CFAP46: variants seen among roughly 807,000 people sequenced by gnomAD.
CFAP46 encodes the protein cilia and flagella associated protein 46.
Under a neutral mutation model 325.7 loss-of-function variants are expected in CFAP46, and 245 were observed. The ratio of observed to expected loss-of-function variants is 0.75; its 90% CI spans 0.68 to 0.84. The LOEUF (loss-of-function observed/expected upper bound fraction) is 0.84. Ranked by LOEUF, CFAP46 falls within the 40% of genes least tolerant of loss-of-function variation. The pLI is 0.00. For synonymous variants in CFAP46, 1,523 were observed against 1,495.9 expected, an observed-to-expected ratio of 1.02 and a Z score of -0.42; for missense variants, 3,346 against 3,543.0, an observed-to-expected ratio of 0.94 and a Z score of 1.41.
In CFAP46 at chr10:132,868,479, C is replaced by G. The variant is rs114528240; in HGVS notation, c.4610+795G>C. ...CAGATAACTCACGGTGCACAGATAACTCACGGTACTGAAAAATGCAAAGTT... is the reference window on the plus strand; with the variant it reads ...CAGATAACTCACGGTGCACAGATAAGTCACGGTACTGAAAAATGCAAAGTT... On this transcript the variant is annotated intron_variant, in intron 33 of 57. Transcript: ENST00000368586. 1.8e-3 allele frequency among the ~76,000 whole-genome samples: 280 copies of G among 151,788 alleles called. 1 individual carries two copies. The highest frequency in any genetic ancestry group is 6.5e-3 in the African/African-American group (268 of 41,528).
rs1848808775 is a variant in CFAP46, at chr10:132,866,065, G to A, written c.4850C>T (p.Pro1617Leu). 1 of 1,544,730 alleles carries A rather than the reference G, an allele frequency of 6.5e-7. No individual in the cohort carries two copies. Among genetic ancestry groups the A allele is most frequent in the African/African-American group, 1.4e-5 (1 of 72,838 alleles). ...EVLLEMNLYQ[P>L]ARLLLSEAYL... is the part of the protein sequence containing the mutation. The stretch of plus-strand genomic sequence containing the variant: ...AGCCTCCGACAGGAGCAGCCGTGCA[G>A]GCTGGTACAGGTTCATCTCCAGCAG... Residue 1617 changes from proline to leucine, a missense_variant, in exon 35 of 58, where the codon CCT becomes CTT. Physicochemically the swap from Pro to Leu is moderately conservative, Grantham distance 98. Transcript: ENST00000368586.
At chr10:132,902,311 A>C (rs72861460) in intron 22 of CFAP46, among the ~76,000 whole-genome samples, 210 of 152,104 alleles carry the variant, frequency 1.4e-3, no homozygotes, top group African/African-American at 4.5e-3. Flanking sequence ...ACAGACGGGA[A>C]GCTCTGTTCA....
In CFAP46 at chr10:132,916,657, T is replaced by C; in HGVS notation, c.2012A>G (p.Glu671Gly). Residue 671 changes from glutamate to glycine, a missense_variant, in exon 17 of 58, where the codon GAA (glutamate) becomes GGA (glycine). Transcript: ENST00000368586. ...GGCCCGGTCATTCAGCTCTACACCT[T>C]CTGACCGCAGCAAATGAACCGTGGC... ...AEATVHLLRS[E>G]GVELNDRAIP... is the part of the protein sequence containing the mutation. The C allele has an allele frequency of 6.7e-7, 1 of 1,498,088 alleles. No individual in the cohort carries two copies. The highest frequency in any genetic ancestry group is 8.9e-7 in the Non-Finnish European group (1 of 1,119,588). The allele number at this position is 1,498,088 out of a possible 1,614,324, so 92.8% of individuals were successfully genotyped here.
Position 132,913,050 on chromosome 10 carries a change from T to G in CFAP46, c.2329A>C (p.Ser777Arg). ...CGCAGCACAGCCCACACGCACCCAC[T>G]GTGGCCTGTGGCCTTAACGATGCTC... ...LLSIVKATGHSGDPVMLVTLC... is the reference protein window; with the variant it reads ...LLSIVKATGHRGDPVMLVTLC... Residue 777 changes from serine to arginine, a missense_variant, in exon 18 of 58, where the codon AGT becomes CGT. Coordinates refer to ENST00000368586, the MANE Select transcript of CFAP46 (RefSeq NM_001200049.3). The G allele has an allele frequency of 6.5e-7, 1 of 1,549,772 alleles. No homozygotes were observed. The highest frequency in any genetic ancestry group is 8.7e-7 in the Non-Finnish European group (1 of 1,146,856).
intron 50 of CFAP46, among the ~76,000 whole-genome samples, chr10:132,829,896 T>A (rs914346004): frequency 2.0e-5 from 3 of 152,242 alleles, no homozygotes; most frequent in African/African-American, 7.2e-5. Flanking sequence ...ATAATATAAA[T>A]CCTTGTAACA....
In CFAP46 at chr10:132,878,049, G is replaced by A. The variant is rs1272027007; in HGVS notation, c.4044C>T (p.Asn1348=). The change falls in exon 30 of 58, where the codon AAC becomes AAT. Residue 1348 remains asparagine (N), a synonymous_variant. Transcript: ENST00000368586. ...LMTAGKSVLE[N]RPLAATSSHL... ...GTGAGCTGGTTGCTGCCAGGGGTCT[G>A]TTTTCCAGAACTGATTTTCCTGCTG... 1.9e-6 allele frequency: 3 copies of A among 1,548,446 alleles called. No homozygotes were observed. The highest frequency in any genetic ancestry group is 4.9e-5 in the East Asian group (2 of 40,912).
chr10:132,912,833 C>G lies in CFAP46; in HGVS notation c.2334-13G>C, dbSNP rs985294736. 1.1e-5 allele frequency: 17 copies of G among 1,546,488 alleles called. No individual in the cohort carries two copies. Among genetic ancestry groups the G allele is most frequent in the Admixed American group, 3.9e-5 (2 of 50,968 alleles). ...CATCACGGGGTCCCTGGGAGACATG[C>G]TTGTCAGAGGGAACCTTGGCCCCCG... On this transcript the variant is annotated splice_polypyrimidine_tract_variant and intron_variant, in intron 18 of 57. Transcript: ENST00000368586.
In CFAP46 at chr10:132,847,120, C is replaced by A; in HGVS notation, c.6088-9G>T. ...GCCAGAACCATCCTCCTCTGTGGGG[C>A]ACAAGGCTCAGGCTCAGGCCAGGCT... On this transcript the variant is annotated splice_polypyrimidine_tract_variant and intron_variant, in intron 42 of 57. Coordinates refer to ENST00000368586, the MANE Select transcript of CFAP46 (RefSeq NM_001200049.3). This position sits in a 1 kb window ranked among gnomAD's most constrained non-coding sequence, Gnocchi z 5.2. The A allele has an allele frequency of 3.1e-6, 5 of 1,608,620 alleles. No homozygotes were observed. In the Middle Eastern group the frequency reaches 5.0e-4, roughly 160 times the overall value.
chr10:132,812,431 G>A (rs538585135), intron 55 of CFAP46, among the ~76,000 whole-genome samples: 1 of 152,302 alleles, frequency 6.6e-6, no homozygotes. Context: ...GCCGTGACCA[G>A]CGCGGTCCTG....
At chr10:132,818,672 G>A (rs776633819) in intron 50 of CFAP46, among the ~76,000 whole-genome samples, 1 of 152,040 alleles carries the variant, frequency 6.6e-6, no homozygotes, top group Non-Finnish European at 1.5e-5. Context: ...GACCAACATA[G>A]CCAAACCCCG....
At chr10:132,913,858 C>T (rs887327676) in intron 17 of CFAP46, among the ~76,000 whole-genome samples, 6 of 151,654 alleles carry the variant, frequency 4.0e-5, no homozygotes, top group Non-Finnish European at 7.4e-5. Context: ...CCGGCCTGCG[C>T]GCTCCACCTG....
rs919272752 is a variant in CFAP46 at position 132,817,280 on chromosome 10, C to T, written c.7118-2366G>A. On this transcript the variant is annotated intron_variant, in intron 50 of 57. Coordinates refer to ENST00000368586, the MANE Select transcript of CFAP46 (RefSeq NM_001200049.3). This position sits in a 1 kb window ranked among gnomAD's most constrained non-coding sequence, Gnocchi z 4.4. ...TTTCCTCTGAGAGTCAGACACCGGC[C>T]CTCCGGGTTACTCTTAAATATTTAC... Among the ~76,000 whole-genome samples the T allele has an allele frequency of 6.6e-6, 1 of 152,190 alleles. No individual in the cohort carries two copies. The highest frequency in any genetic ancestry group is 1.5e-5 in the Non-Finnish European group (1 of 68,052).
At chr10:132,872,299 G>A (rs1848904301) in intron 32 of CFAP46, among the ~76,000 whole-genome samples, 1 of 152,114 alleles carries the variant, frequency 6.6e-6, no homozygotes, top group African/African-American at 2.4e-5. Context: ...TGTTGCCCAG[G>A]CTAGAGTGCA....
chr10:132,867,572 A>G, intron 33 of CFAP46, 65 bp from the exon 34 acceptor site: 10 of 1,513,698 alleles, frequency 6.6e-6, no homozygotes, highest in Non-Finnish European at 7.9e-6. Flanking sequence ...CTTCACGAGT[A>G]ACCAAAGAAA....
intron 5 of CFAP46, 119 bp downstream of exon 5, chr10:132,938,470 C>T: frequency 2.0e-6 from 2 of 985,440 alleles, no homozygotes; most frequent in Non-Finnish European, 3.1e-6. Flanking sequence ...AGAGAACGCA[C>T]ATGGAGTGTG....
intron 49 of CFAP46, 52 bp downstream of exon 49, chr10:132,833,989 C>T: frequency 2.6e-6 from 4 of 1,567,556 alleles, no homozygotes; most frequent in Non-Finnish European, 3.5e-6. Context: ...AACCCCACCT[C>T]TTCTGGCGGG....
chr10:132,830,369 C>T (rs924305653), intron 50 of CFAP46, among the ~76,000 whole-genome samples: 7 of 152,176 alleles, frequency 4.6e-5, no homozygotes, highest in African/African-American at 9.7e-5. Flanking sequence ...GTCTTAAACT[C>T]CTGACCTCGT....
chr10:132,931,625 C>T (rs1399213624), intron 8 of CFAP46, among the ~76,000 whole-genome samples: 2 of 136,282 alleles, frequency 1.5e-5, no homozygotes, highest in Non-Finnish European at 3.1e-5. Context: ...GGCCTCCCCA[C>T]ACTTTTCACA....
intron 31 of CFAP46, among the ~76,000 whole-genome samples, chr10:132,873,388 C>A (rs980301209): frequency 6.6e-6 from 1 of 152,172 alleles, no homozygotes; most frequent in African/African-American, 2.4e-5. Context: ...TCCAGGGACA[C>A]AAGCCTGGCT....
Sources: gnomAD v4.1 joint callset for allele counts (sites outside exome capture counted in the v4.1 genomes callset) on GRCh38, gnomAD v4.1.1 for gene constraint, Gnocchi (gnomAD v3.1) non-coding constraint, MANE v1.5 for transcripts, NCBI Gene and HGNC (gene_info 2026-07-23, HGNC 2026-07-21) for gene names.